Variants in CADM2 observed in about 807,000 individuals in gnomAD.
CADM2 encodes the protein cell adhesion molecule 2.
Under a neutral mutation model 49.8 loss-of-function variants are expected in CADM2, and 12 were observed. That is an observed-to-expected ratio of 0.24 (90% CI 0.15 to 0.39). CADM2 has a LOEUF of 0.39. CADM2 is among the 10% of genes least tolerant of loss of function. CADM2 has a pLI of 1.00. For missense variants in CADM2, 378 were observed against 492.3 expected (o/e 0.77, Z 2.20); for synonymous variants, 214 against 175.4 (o/e 1.22, Z -1.74).
At chr3:85,401,372 G>A (rs1193727370) in intron 1 of CADM2, among the ~76,000 whole-genome samples, 1 of 152,174 alleles carries the variant, frequency 6.6e-6, no homozygotes, top group South Asian at 2.1e-4. Context: ...AGAAATAAAA[G>A]GTGGCAAGTT....
intron 1 of CADM2, among the ~76,000 whole-genome samples, chr3:85,507,283 G>C (rs1018850985): frequency 2.7e-5 from 4 of 148,438 alleles, no homozygotes; most frequent in Non-Finnish European, 4.4e-5. Context: ...TCCCTCCCAT[G>C]TTCAAACGAT....
intron 3 of CADM2, among the ~76,000 whole-genome samples, chr3:85,863,536 C>G (rs1361253973): frequency 3.3e-5 from 5 of 152,134 alleles, no homozygotes; most frequent in Non-Finnish European, 7.4e-5. Flanking sequence ...CTCTTTTTCT[C>G]TCTGTCTCAC....
chr3:85,397,978 G>A (rs2034878807), intron 1 of CADM2, among the ~76,000 whole-genome samples: 1 of 151,966 alleles, frequency 6.6e-6, no homozygotes, highest in Non-Finnish European at 1.5e-5. Flanking sequence ...AGGAGAAATA[G>A]GGTGACATCC....
intron 1 of CADM2, among the ~76,000 whole-genome samples, chr3:85,218,012 AT>A (rs1477636696): frequency 3.9e-5 from 6 of 152,146 alleles, no homozygotes; most frequent in Non-Finnish European, 8.8e-5. Context: ...ATTTAAAAAT[AT>A]TTTAATTAAA....
At chr3:85,096,612 A>AT (rs2037807431) in intron 1 of CADM2, among the ~76,000 whole-genome samples, 1 of 151,668 alleles carries the variant, frequency 6.6e-6, no homozygotes, top group African/African-American at 2.4e-5. Flanking sequence ...AGTGAGTTAA[A>AT]TTTTGTTTTT....
chr3:85,835,764 A>AATATAT (rs60751030), intron 3 of CADM2, among the ~76,000 whole-genome samples: 19 of 145,930 alleles, frequency 1.3e-4, no homozygotes, highest in African/African-American at 4.5e-4. Flanking sequence ...TATATAATAT[A>AATATAT]ATATATATAT....
chr3:85,220,166 T>TTTGTTG (rs958547015), intron 1 of CADM2, among the ~76,000 whole-genome samples: 1 of 151,920 alleles, frequency 6.6e-6, no homozygotes, highest in African/African-American at 2.4e-5. Flanking sequence ...ATACTAGATT[T>TTTGTTG]TTGTTGTTGT....
chr3:85,807,725 C>T (rs1303588579), intron 3 of CADM2, among the ~76,000 whole-genome samples: 2 of 152,056 alleles, frequency 1.3e-5, no homozygotes, highest in African/African-American at 4.8e-5. Flanking sequence ...TCCTCCCATG[C>T]CCAGCACTTA....
At position 85,733,049 on chromosome 3, in the gene CADM2, C is replaced by A. The variant is rs139796513; in HGVS notation, c.88+6501C>A. 3.9e-5 allele frequency among the ~76,000 whole-genome samples: 6 copies of A among 152,202 alleles called. No individual in the cohort carries two copies. In the East Asian group the frequency reaches 7.7e-4, roughly 20 times the overall value. On this transcript the variant is annotated intron_variant, in intron 2 of 9. Transcript: ENST00000383699. ...AGTAGCTAGCAAGAATATATTGGAC[C>A]AGCTTAGTTGGGTCCACTGGCCAGA...
At chr3:84,985,942 A>G (rs2032525991) in intron 1 of CADM2, among the ~76,000 whole-genome samples, 1 of 152,174 alleles carries the variant, frequency 6.6e-6, no homozygotes, top group Non-Finnish European at 1.5e-5. Context: ...GGCTTAGCTG[A>G]CCCCATTAGT....
At chr3:85,224,555 T>C (rs1176030607) in intron 1 of CADM2, among the ~76,000 whole-genome samples, 1 of 152,210 alleles carries the variant, frequency 6.6e-6, no homozygotes, top group Non-Finnish European at 1.5e-5. Context: ...GTAGGTTGCT[T>C]GTTCACTCTG....
intron 1 of CADM2, among the ~76,000 whole-genome samples, chr3:85,233,112 A>T (rs941303799): frequency 1.3e-5 from 2 of 152,204 alleles, no homozygotes; most frequent in Non-Finnish European, 2.9e-5. Context: ...TTAACTGCAT[A>T]TAACTGTATG....
At chr3:85,351,228 T>C (rs963326504) in intron 1 of CADM2, among the ~76,000 whole-genome samples, 3 of 152,174 alleles carry the variant, frequency 2.0e-5, no homozygotes, top group African/African-American at 7.2e-5. Context: ...GCATCTTTGC[T>C]GAGTTAAAGT....
At chr3:85,300,377 C>CT (rs1453790041) in intron 1 of CADM2, among the ~76,000 whole-genome samples, 33 of 152,078 alleles carry the variant, frequency 2.2e-4, no homozygotes, top group African/African-American at 7.5e-4. Context: ...TTACAATATC[C>CT]TTTTTTAAAA....
intron 1 of CADM2, among the ~76,000 whole-genome samples, chr3:85,158,371 G>T (rs549820989): frequency 6.6e-6 from 1 of 152,270 alleles, no homozygotes; most frequent in South Asian, 2.1e-4. Flanking sequence ...AAATCATGCT[G>T]TTGTAAAGAC....
intron 1 of CADM2, among the ~76,000 whole-genome samples, chr3:85,401,491 AG>A (rs1186980716): frequency 6.6e-6 from 1 of 152,048 alleles, no homozygotes; most frequent in African/African-American, 2.4e-5. Context: ...GTGAAGATGG[AG>A]GGGCCACAGG....
chr3:85,226,416 G>A lies in CADM2; in HGVS notation c.61+266748G>A, dbSNP rs143558198. Among the ~76,000 whole-genome samples, 83 of 152,202 alleles carry A rather than the reference G, an allele frequency of 5.5e-4. 1 individual carries two copies. The highest frequency in any genetic ancestry group is 2.1e-3 in the Admixed American group (32 of 15,284). On this transcript the variant is annotated intron_variant, in intron 1 of 9. Coordinates refer to ENST00000383699, the MANE Select transcript of CADM2 (RefSeq NM_001167675.2). ...CTTTGTAGTTTATTTGCATAGAGGTGTTTATGGTATTCTCTGATGGTAGTT... is the reference window on the plus strand; with the variant it reads ...CTTTGTAGTTTATTTGCATAGAGGTATTTATGGTATTCTCTGATGGTAGTT...
intron 1 of CADM2, among the ~76,000 whole-genome samples, chr3:85,156,217 A>C (rs998799092): frequency 2.0e-5 from 3 of 152,104 alleles, no homozygotes; most frequent in Non-Finnish European, 4.4e-5. Context: ...CAAAATTGAT[A>C]GACCACTAGC....
intron 1 of CADM2, among the ~76,000 whole-genome samples, chr3:85,273,988 A>G (rs190819587): frequency 3.0e-4 from 46 of 151,578 alleles, no homozygotes; most frequent in African/African-American, 1.1e-3. Flanking sequence ...GAAAATAACT[A>G]GAAAAATGAG....
Sources: allele counts gnomAD v4.1 joint callset (sites outside exome capture counted in the v4.1 genomes callset), GRCh38; gene constraint gnomAD v4.1.1; transcripts MANE v1.5; gene names NCBI Gene and HGNC (gene_info 2026-07-23, HGNC 2026-07-21).